The following TTL variants were observed in gnomAD, a reference collection of about 807,000 sequenced individuals.
TTL encodes tubulin--tyrosine ligase.
A neutral mutation model predicts 41.1 loss-of-function variants in TTL; 10 were observed. The observed-to-expected ratio is 0.24, with a 90% CI of 0.15 to 0.41. TTL has a LOEUF of 0.41. TTL is among the 10% of genes least tolerant of loss of function. The probability of loss-of-function intolerance (pLI) is 1.00; values close to 1 mark genes in which losing one functional copy is unlikely to be tolerated. For missense variants in TTL, 367 were observed against 460.4 expected (o/e 0.80, Z 1.86); for synonymous variants, 175 against 175.5 (o/e 1.00, Z 0.02).
Position 112,537,969 on chromosome 2 carries a change from C to T in TTL, c.*9174C>T, listed in dbSNP as rs987454585. ...CTCTGGGGTAGATCACATGCTAGGC[C>T]ATAAAACAAGTCTCAGTAAATTTAA... On this transcript the variant is annotated 3_prime_UTR_variant, in exon 7 of 7. Coordinates refer to ENST00000233336, the MANE Select transcript of TTL (RefSeq NM_153712.5). 3 of 152,156 alleles carry T rather than the reference C, an allele frequency of 2.0e-5. No individual in the cohort carries two copies. The highest frequency in any genetic ancestry group is 1.3e-4 in the Admixed American group (2 of 15,274). The allele number at this position is 152,156 out of a possible 1,614,324, so 9.4% of individuals were successfully genotyped here.
At chr2:112,491,505 C>T (rs781236641) in intron 2 of TTL, among the ~76,000 whole-genome samples, 95 of 152,186 alleles carry the variant, frequency 6.2e-4, no homozygotes, top group Non-Finnish European at 1.2e-3. Context: ...TGTGACTCAG[C>T]TGAAGATTGT....
intron 6 of TTL, chr2:112,521,135 G>A (rs1330979590): frequency 1.0e-6 from 1 of 977,700 alleles, no homozygotes; most frequent in Non-Finnish European, 1.2e-6. Flanking sequence ...AGAAAAGAGG[G>A]TTCCGCTGCA....
At chr2:112,488,022 C>T (rs1396220032) in intron 2 of TTL, among the ~76,000 whole-genome samples, 1 of 152,208 alleles carries the variant, frequency 6.6e-6, no homozygotes, top group Non-Finnish European at 1.5e-5. Context: ...AAATGGGACC[C>T]CTGGCCATTG....
At chr2:112,499,820 A>G (rs1297658677) in intron 3 of TTL, among the ~76,000 whole-genome samples, 2 of 152,136 alleles carry the variant, frequency 1.3e-5, no homozygotes, top group African/African-American at 4.8e-5. Flanking sequence ...AAACAGTAAG[A>G]CCCCAGCTCT....
intron 5 of TTL, among the ~76,000 whole-genome samples, chr2:112,516,257 T>C (rs1401634282): frequency 1.3e-5 from 2 of 152,216 alleles, no homozygotes; most frequent in Non-Finnish European, 2.9e-5. Flanking sequence ...TTATCTCTTA[T>C]ATTTTAGAAC....
chr2:112,523,552 T>A (rs1293546612), intron 6 of TTL, among the ~76,000 whole-genome samples: 2 of 152,010 alleles, frequency 1.3e-5, no homozygotes, highest in Admixed American at 6.6e-5. Context: ...GGGAGTCTTC[T>A]CCAGTGTCCC....
At chr2:112,525,590 C>T (rs1191422352) in intron 6 of TTL, among the ~76,000 whole-genome samples, 1 of 151,980 alleles carries the variant, frequency 6.6e-6, no homozygotes, top group African/African-American at 2.4e-5. Context: ...GGCTGTTTGT[C>T]TGTTATTGGT....
intron 1 of TTL, among the ~76,000 whole-genome samples, chr2:112,484,291 T>G (rs1044895923): frequency 6.7e-6 from 1 of 149,612 alleles, no homozygotes; most frequent in Non-Finnish European, 1.5e-5. Context: ...TGCGACAGAG[T>G]CTCACTCTGT....
chr2:112,483,344 G>T (rs75359046), intron 1 of TTL: 3,635 of 152,262 alleles, frequency 0.024, 105 homozygotes, highest in East Asian at 0.089. Flanking sequence ...TGCCCAGATC[G>T]GTTCAACTCA....
intron 5 of TTL, among the ~76,000 whole-genome samples, chr2:112,509,775 G>A (rs1212847151): frequency 8.5e-5 from 13 of 152,172 alleles, no homozygotes; most frequent in African/African-American, 1.2e-4. Context: ...GAAATCACCC[G>A]TCTTCTGCGT....
At chr2:112,497,642 G>A (rs1681572180) in intron 3 of TTL, among the ~76,000 whole-genome samples, 1 of 151,656 alleles carries the variant, frequency 6.6e-6, no homozygotes, top group Admixed American at 6.6e-5. Flanking sequence ...GAGAATAAGG[G>A]AGCTTTTCCA....
chr2:112,518,794 C>T (rs1473544014), intron 5 of TTL, among the ~76,000 whole-genome samples: 20 of 151,692 alleles, frequency 1.3e-4, no homozygotes, highest in Admixed American at 9.9e-4. Context: ...CCTGCCTCAG[C>T]GTCTGGAGTA....
In TTL at chr2:112,529,632, CT is replaced by C. The variant is rs1340841345; in HGVS notation, c.*845del. ...AGTTCCCTTTTTTTTTCTTTTTTTA[CT>C]TTTTTTTAAACGTTTGTAAAAACCT... On this transcript the variant is annotated 3_prime_UTR_variant, in exon 7 of 7. Coordinates refer to ENST00000233336, the MANE Select transcript of TTL (RefSeq NM_153712.5). 13 of 222,300 alleles carry C rather than the reference CT, an allele frequency of 5.8e-5. No individual in the cohort carries two copies. Among genetic ancestry groups the C allele is most frequent in the East Asian group, 1.3e-4 (2 of 15,296 alleles). 13.8% of individuals were successfully genotyped at this position (222,300 alleles called of 1,614,324 possible).
In TTL at chr2:112,537,389, T is replaced by C. The variant is rs1165850357; in HGVS notation, c.*8594T>C. On this transcript the variant is annotated 3_prime_UTR_variant, in exon 7 of 7. Coordinates refer to ENST00000233336, the MANE Select transcript of TTL (RefSeq NM_153712.5). ...AGCCACCATGCCCAGCTGCTCTGTT[T>C]TAAATTCTTTGAGAAATCTCCAAAC... 6.6e-6 allele frequency: 1 copy of C among 152,286 alleles called. No individual in the cohort carries two copies. The highest frequency in any genetic ancestry group is 2.4e-5 in the African/African-American group (1 of 41,466). 9.4% of individuals were successfully genotyped at this position (152,286 alleles called of 1,614,324 possible).
At chr2:112,490,045 A>C (rs1298124182) in intron 2 of TTL, among the ~76,000 whole-genome samples, 2 of 152,204 alleles carry the variant, frequency 1.3e-5, no homozygotes, top group East Asian at 3.8e-4. Context: ...TTCTGTTTCC[A>C]TGAACTGGAG....
Position 112,509,409 on chromosome 2 carries a change from C to G in TTL, c.875+6228C>G, listed in dbSNP as rs555996117. On this transcript the variant is annotated intron_variant, in intron 5 of 6. Coordinates refer to ENST00000233336, the MANE Select transcript of TTL (RefSeq NM_153712.5). ...CTGGGCAATGGCCGGCGCCCCTCCC[C>G]CAGCCTCGTTGCTGCCTTGTAGTTT... is the stretch of plus-strand genomic sequence containing the variant. Among the ~76,000 whole-genome samples, 31 of 152,358 alleles carry G rather than the reference C, an allele frequency of 2.0e-4. No homozygotes were observed. The South Asian group carries it at 6.2e-3, about 31-fold the overall frequency.
At position 112,503,119 on chromosome 2, in the gene TTL, A is replaced by G. The variant is rs752661208; in HGVS notation, c.813A>G (p.Leu271=). ...EMFFKEFNQY[L]TSALNITLES... ...TCTTCAAGGAGTTCAATCAGTACCTAACAAGTGCTTTGAACATTACCCTAG... is the reference window on the plus strand; with the variant it reads ...TCTTCAAGGAGTTCAATCAGTACCTGACAAGTGCTTTGAACATTACCCTAG... Residue 271 remains leucine (L), a synonymous_variant, in exon 5 of 7, where the codon CTA becomes CTG. Coordinates refer to ENST00000233336, the MANE Select transcript of TTL (RefSeq NM_153712.5). The G allele has an allele frequency of 9.9e-6, 16 of 1,613,160 alleles. No homozygotes were observed. The South Asian group carries it at 1.5e-4, about 15-fold the overall frequency.
chr2:112,499,869 C>T (rs1393020051), intron 3 of TTL, among the ~76,000 whole-genome samples: 2 of 152,216 alleles, frequency 1.3e-5, no homozygotes, highest in African/African-American at 4.8e-5. Flanking sequence ...TGGTGTCACA[C>T]ACCTGCATAC....
chr2:112,526,334 G>A (rs374511546), intron 6 of TTL, among the ~76,000 whole-genome samples: 3 of 151,922 alleles, frequency 2.0e-5, no homozygotes, highest in Admixed American at 6.6e-5. Flanking sequence ...CTCTTTTTCT[G>A]TTGATTGGAA....
Sources: gnomAD v4.1 joint callset for allele counts (sites outside exome capture counted in the v4.1 genomes callset) on GRCh38, gnomAD v4.1.1 for gene constraint, MANE v1.5 for transcripts, NCBI Gene and HGNC (gene_info 2026-07-23, HGNC 2026-07-21) for gene names.